The following PPM1L variants were observed in gnomAD, a reference collection of about 807,000 sequenced individuals.
PPM1L encodes the protein protein phosphatase 1L.
PPM1L carries 13 observed loss-of-function variants against 31.4 expected under a neutral mutation model. That is an observed-to-expected ratio of 0.41 (90% CI 0.27 to 0.66). PPM1L has a LOEUF of 0.66. Among genes scored for constraint, PPM1L ranks in the 30% least tolerant of loss-of-function variants. The pLI is 0.29. For missense variants in PPM1L, 326 were observed against 453.7 expected (o/e 0.72, Z 2.56); for synonymous variants, 184 against 175.4 (o/e 1.05, Z -0.39).
chr3:161,046,493 C>T (rs1360051387), intron 2 of PPM1L, among the ~76,000 whole-genome samples: 7 of 152,140 alleles, frequency 4.6e-5, no homozygotes, highest in East Asian at 1.9e-4. Context: ...GATTCACAGC[C>T]GAATTCTACC....
intron 2 of PPM1L, among the ~76,000 whole-genome samples, chr3:161,009,723 C>T (rs2108061220): frequency 6.6e-6 from 1 of 152,146 alleles, no homozygotes; most frequent in African/African-American, 2.4e-5. Flanking sequence ...CTGTTCTCTC[C>T]AAAAAGCTTT....
At chr3:160,768,948 C>T (rs1265605932) in intron 1 of PPM1L, among the ~76,000 whole-genome samples, 1 of 152,226 alleles carries the variant, frequency 6.6e-6, no homozygotes, top group African/African-American at 2.4e-5. Flanking sequence ...CTGCAGCCAT[C>T]TTTGTATAAC....
chr3:160,931,652 G>C (rs904987295), intron 1 of PPM1L, among the ~76,000 whole-genome samples: 15 of 152,142 alleles, frequency 9.9e-5, no homozygotes, highest in African/African-American at 3.6e-4. Flanking sequence ...ATACATAAAG[G>C]GTGGGTCTCA....
At chr3:160,860,613 G>T (rs1041067993) in intron 1 of PPM1L, among the ~76,000 whole-genome samples, 12 of 152,198 alleles carry the variant, frequency 7.9e-5, no homozygotes, top group African/African-American at 2.9e-4. Context: ...GGATTTGGAA[G>T]TTACAAAGCC....
chr3:160,944,812 A>ATATATGTTATATATAACATATATGT (rs1553748154), intron 1 of PPM1L, among the ~76,000 whole-genome samples: 1 of 18,042 alleles, frequency 5.5e-5, no homozygotes, highest in African/African-American at 1.4e-4. Context: ...CATATATAAC[A>ATATATGTTATATATAACATATATGT]TATATATGTT....
chr3:160,885,077 C>T (rs1712861505), intron 1 of PPM1L, among the ~76,000 whole-genome samples: 1 of 152,138 alleles, frequency 6.6e-6, no homozygotes, highest in African/African-American at 2.4e-5. Flanking sequence ...ATATTAGACT[C>T]TTGGCATGTA....
intron 1 of PPM1L, among the ~76,000 whole-genome samples, chr3:160,769,061 G>A (rs1374027672): frequency 1.3e-5 from 2 of 152,178 alleles, no homozygotes; most frequent in African/African-American, 4.8e-5. Context: ...GTCCATAGCT[G>A]TATCACATGC....
At position 161,077,992 on chromosome 3, in the gene PPM1L, A is replaced by C. The variant is rs185960312; in HGVS notation, c.*8835A>C. The C allele has an allele frequency of 2.0e-5, 3 of 152,344 alleles. No individual in the cohort carries two copies. The highest frequency in any genetic ancestry group is 6.5e-5 in the Admixed American group (1 of 15,310). 9.4% of individuals were successfully genotyped at this position (152,344 alleles called of 1,614,324 possible). On this transcript the variant is annotated 3_prime_UTR_variant, in exon 4 of 4. Transcript: ENST00000498165. ...GCCAAATTGCATTAGAATCCTATTG[A>C]ATTAGAATAATTCATATACTTCATA...
intron 1 of PPM1L, among the ~76,000 whole-genome samples, chr3:160,893,403 T>C (rs1713220964): frequency 1.3e-5 from 2 of 152,224 alleles, no homozygotes; most frequent in African/African-American, 2.4e-5. Context: ...AATAGCTCAC[T>C]CAGCATTTTT....
At chr3:161,015,412 C>T (rs1718053386) in intron 2 of PPM1L, among the ~76,000 whole-genome samples, 1 of 152,092 alleles carries the variant, frequency 6.6e-6, no homozygotes, top group African/African-American at 2.4e-5. Context: ...GGGGATTTTC[C>T]AGCAGCTATA....
At chr3:161,066,234 G>C (rs533109324) in intron 3 of PPM1L, among the ~76,000 whole-genome samples, 2 of 152,292 alleles carry the variant, frequency 1.3e-5, no homozygotes, top group African/African-American at 4.8e-5. Context: ...GCAAGGTTGG[G>C]GGTAGAGGGG....
At chr3:160,969,465 C>T (rs1443602308) in intron 2 of PPM1L, among the ~76,000 whole-genome samples, 4 of 152,094 alleles carry the variant, frequency 2.6e-5, no homozygotes, top group Non-Finnish European at 5.9e-5. Context: ...GAACATACAT[C>T]CAGCAACCAA....
chr3:161,001,758 T>C (rs1717490220), intron 2 of PPM1L, among the ~76,000 whole-genome samples: 1 of 152,210 alleles, frequency 6.6e-6, no homozygotes, highest in Non-Finnish European at 1.5e-5. Flanking sequence ...GGAAAAGATC[T>C]GTGATCCACT....
chr3:160,768,699 G>A (rs111524049), intron 1 of PPM1L, among the ~76,000 whole-genome samples: 2,511 of 152,178 alleles, frequency 0.017, 65 homozygotes, highest in African/African-American at 0.057. Flanking sequence ...TATGCTACAG[G>A]TGGAGTGGGT....
At chr3:160,816,292 TGA>T (rs1491460821) in intron 1 of PPM1L, among the ~76,000 whole-genome samples, 1 of 147,148 alleles carries the variant, frequency 6.8e-6, no homozygotes, top group South Asian at 2.2e-4. Flanking sequence ...TGTGTGTGTG[TGA>T]AACCCATAGA....
chr3:160,801,701 G>T (rs1175901015), intron 1 of PPM1L, among the ~76,000 whole-genome samples: 2 of 151,984 alleles, frequency 1.3e-5, no homozygotes, highest in Non-Finnish European at 2.9e-5. Context: ...GTTTTGTTTT[G>T]TTTTTAAAAC....
chr3:161,073,408 A>C lies in PPM1L; in HGVS notation c.*4251A>C, dbSNP rs1418918080. 4 of 152,206 alleles carry C rather than the reference A, an allele frequency of 2.6e-5. No homozygotes were observed. The East Asian group carries it at 7.7e-4, about 29-fold the overall frequency. 9.4% of individuals were successfully genotyped at this position (152,206 alleles called of 1,614,324 possible). On this transcript the variant is annotated 3_prime_UTR_variant, in exon 4 of 4. Transcript: ENST00000498165. ...TGTGTTTTCATTCACGATGACTCTT[A>C]GTAGCAGTACAATTTGCAACTTAGA...
intron 2 of PPM1L, among the ~76,000 whole-genome samples, chr3:160,981,700 C>T (rs962844625): frequency 6.6e-6 from 1 of 151,650 alleles, no homozygotes; most frequent in African/African-American, 2.4e-5. Context: ...CTCCTCCACT[C>T]TCTCTTCTAC....
intron 1 of PPM1L, among the ~76,000 whole-genome samples, chr3:160,920,699 A>C (rs1205075065): frequency 1.3e-5 from 2 of 150,922 alleles, no homozygotes; most frequent in African/African-American, 4.9e-5. Context: ...TGTTTCGGAC[A>C]ATCCCTTTTA....
Sources: gnomAD v4.1 joint callset for allele counts (sites outside exome capture counted in the v4.1 genomes callset) on GRCh38, gnomAD v4.1.1 for gene constraint, MANE v1.5 for transcripts, NCBI Gene and HGNC (gene_info 2026-07-23, HGNC 2026-07-21) for gene names.